PTPRM: variants seen among roughly 807,000 people sequenced by gnomAD.
The protein encoded by PTPRM is receptor-type tyrosine-protein phosphatase mu.
Under a neutral mutation model 186.7 loss-of-function variants are expected in PTPRM, and 47 were observed. The ratio of observed to expected loss-of-function variants is 0.25; its 90% CI spans 0.20 to 0.32. PTPRM has a LOEUF of 0.32. Ranked by LOEUF, PTPRM falls within the 10% of genes least tolerant of loss-of-function variation. The pLI, the probability that PTPRM is intolerant of heterozygous loss-of-function variation, is 1.00. For missense variants in PTPRM, 1,494 were observed against 1,865.0 expected, an observed-to-expected ratio of 0.80 and a Z score of 3.66; for synonymous variants, 668 against 674.9, an observed-to-expected ratio of 0.99 and a Z score of 0.16.
chr18:8,140,438 AGTTTTTTT>A (rs1236264094), intron 13 of PTPRM, among the ~76,000 whole-genome samples: 3 of 41,534 alleles, frequency 7.2e-5, no homozygotes, highest in African/African-American at 3.1e-4. Context: ...ATTTGTTTTG[AGTTTTTTT>A]GTTTGTTTGT....
intron 22 of PTPRM, among the ~76,000 whole-genome samples, chr18:8,331,628 C>T (rs1318313780): frequency 6.6e-6 from 1 of 152,150 alleles, no homozygotes; most frequent in African/African-American, 2.4e-5. Flanking sequence ...AGGTTTTAAC[C>T]CTAGTATAAT....
In PTPRM at chr18:7,940,961, A is replaced by G. The variant is rs73381824; in HGVS notation, c.664-8220A>G. Among the ~76,000 whole-genome samples the G allele has an allele frequency of 3.7e-3, 565 of 152,262 alleles. 3 individuals are homozygous for G. Among genetic ancestry groups the G allele is most frequent in the African/African-American group, 0.013 (539 of 41,536 alleles). ...AAGAATATGCAGTGCAGATGCCTTT[A>G]TGAAATAAAATAAAAAATCTGAATT... On this transcript the variant is annotated intron_variant, in intron 5 of 32. Transcript: ENST00000580170.
At chr18:8,181,902 G>C (rs1483667128) in intron 14 of PTPRM, among the ~76,000 whole-genome samples, 1 of 152,102 alleles carries the variant, frequency 6.6e-6, no homozygotes, top group South Asian at 2.1e-4. Context: ...GGAACTCAAA[G>C]GAAACCCCTT....
intron 3 of PTPRM, among the ~76,000 whole-genome samples, chr18:7,905,470 C>T (rs936759326): frequency 3.9e-5 from 6 of 152,142 alleles, no homozygotes; most frequent in Admixed American, 1.3e-4. Context: ...ATATTATTTT[C>T]CTCTTGATTC....
chr18:7,985,284 C>CAT lies in PTPRM; in HGVS notation c.1132+29872_1132+29873dup, dbSNP rs1186998657. On this transcript the variant is annotated intron_variant, in intron 7 of 32. Coordinates refer to ENST00000580170, the MANE Select transcript of PTPRM (RefSeq NM_001105244.2). ...ATATATACATATAATAGTATATACA[C>CAT]ATAAATATATACATATAATAGTATA... Among the ~76,000 whole-genome samples, 225 of 50,944 alleles carry CAT rather than the reference C, an allele frequency of 4.4e-3. 54 individuals carry two copies. The highest frequency in any genetic ancestry group is 0.015 in the African/African-American group (144 of 9,750). 33.4% of individuals were successfully genotyped at this position (50,944 alleles called of 152,430 possible). A position where few individuals can be genotyped will look rare whatever the true frequency, so the allele number is the denominator to read the frequency against.
At position 8,378,291 on chromosome 18, in the gene PTPRM, G is replaced by A. The variant is rs1446574423; in HGVS notation, c.3489G>A (p.Ala1163=). The A allele has an allele frequency of 6.8e-6, 11 of 1,612,442 alleles. No individual in the cohort carries two copies. The highest frequency in any genetic ancestry group is 1.6e-4 in the Middle Eastern group (1 of 6,080). The change falls in exon 27 of 33, where the codon GCG becomes GCA. Residue 1163 remains alanine, a synonymous_variant. Coordinates refer to ENST00000580170, the MANE Select transcript of PTPRM (RefSeq NM_001105244.2). The part of the protein sequence containing the change: ...TEEQYVFIHD[A]ILEACLCGDT... The stretch of plus-strand genomic sequence containing the variant: ...AGCAGTATGTGTTTATCCACGATGC[G>A]ATCCTGGAAGCCTGTCTTTGTGGGG...
chr18:8,389,830 C>T (rs1226103491), intron 31 of PTPRM, among the ~76,000 whole-genome samples: 1 of 152,194 alleles, frequency 6.6e-6, no homozygotes, highest in Non-Finnish European at 1.5e-5. Flanking sequence ...TGTAGCGCCA[C>T]CTAACGGCTG....
chr18:7,889,768 AG>A (rs1297294017), intron 3 of PTPRM, among the ~76,000 whole-genome samples: 1 of 152,204 alleles, frequency 6.6e-6, no homozygotes, highest in Non-Finnish European at 1.5e-5. Context: ...GAGACGAGCC[AG>A]TGAGGGGCAG....
chr18:8,331,825 T>C (rs1425614711), intron 22 of PTPRM, among the ~76,000 whole-genome samples: 1 of 151,828 alleles, frequency 6.6e-6, no homozygotes, highest in Non-Finnish European at 1.5e-5. Flanking sequence ...AGACAACAGC[T>C]GCATCCTAAG....
At chr18:7,813,321 C>A (rs1445410044) in intron 2 of PTPRM, among the ~76,000 whole-genome samples, 1 of 152,196 alleles carries the variant, frequency 6.6e-6, no homozygotes, top group African/African-American at 2.4e-5. Context: ...ATAGCTGAAT[C>A]ATTGCTGAGA....
chr18:7,619,462 G>A (rs1181912730), intron 1 of PTPRM, among the ~76,000 whole-genome samples: 1 of 152,312 alleles, frequency 6.6e-6, no homozygotes, highest in East Asian at 1.9e-4. Context: ...CAGATGGTTG[G>A]CAGTTGCTGC....
At chr18:8,121,310 C>A (rs1235493550) in intron 13 of PTPRM, among the ~76,000 whole-genome samples, 2 of 152,158 alleles carry the variant, frequency 1.3e-5, no homozygotes, top group African/African-American at 4.8e-5. Context: ...TACTCGCTGC[C>A]ACATTTCTAA....
At chr18:8,136,426 A>G (rs1266579673) in intron 13 of PTPRM, among the ~76,000 whole-genome samples, 1 of 152,244 alleles carries the variant, frequency 6.6e-6, no homozygotes, top group Admixed American at 6.5e-5. Context: ...GGCGTCAGCC[A>G]CATCAATAAA....
At chr18:7,897,403 G>A (rs775302727) in intron 3 of PTPRM, among the ~76,000 whole-genome samples, 13 of 152,222 alleles carry the variant, frequency 8.5e-5, no homozygotes, top group Non-Finnish European at 1.8e-4. Context: ...TGCCTCTAGA[G>A]GATGTGGGGA....
At chr18:7,850,013 G>A (rs2046788067) in intron 2 of PTPRM, among the ~76,000 whole-genome samples, 1 of 152,146 alleles carries the variant, frequency 6.6e-6, no homozygotes, top group South Asian at 2.1e-4. Context: ...GACATTGGTA[G>A]TAAAACTATC....
intron 1 of PTPRM, among the ~76,000 whole-genome samples, chr18:7,773,654 C>T (rs1206052529): frequency 2.0e-5 from 3 of 149,748 alleles, no homozygotes; most frequent in African/African-American, 7.3e-5. Flanking sequence ...GGCATGATCT[C>T]GGCTCACTGC....
At chr18:7,578,896 C>G (rs972245504) in intron 1 of PTPRM, among the ~76,000 whole-genome samples, 1 of 152,058 alleles carries the variant, frequency 6.6e-6, no homozygotes, top group Non-Finnish European at 1.5e-5. Context: ...TCAGTCTGTT[C>G]CCCCATCCTC....
intron 6 of PTPRM, among the ~76,000 whole-genome samples, chr18:7,949,639 AT>A (rs3214731): frequency 1.3e-5 from 2 of 152,088 alleles, no homozygotes; most frequent in African/African-American, 2.4e-5. Context: ...CAACTTATAA[AT>A]TTTTTTTAAG....
chr18:8,171,034 G>A (rs1301480239), intron 14 of PTPRM, among the ~76,000 whole-genome samples: 1 of 152,196 alleles, frequency 6.6e-6, no homozygotes, highest in Non-Finnish European at 1.5e-5. Flanking sequence ...TCATTTTGCT[G>A]AGGGCTAAGA....
Sources: gnomAD v4.1 joint callset for allele counts (sites outside exome capture counted in the v4.1 genomes callset) on GRCh38, gnomAD v4.1.1 for gene constraint, MANE v1.5 for transcripts, NCBI Gene and HGNC (gene_info 2026-07-23, HGNC 2026-07-21) for gene names.